CLMN: variants seen among roughly 807,000 people sequenced by gnomAD.
CLMN encodes calmin.
A neutral mutation model predicts 92.7 loss-of-function variants in CLMN; 57 were observed. The ratio of observed to expected loss-of-function variants is 0.61; its 90% confidence interval spans 0.50 to 0.77. CLMN has a LOEUF of 0.77. Among genes scored for constraint, CLMN ranks in the 30% least tolerant of loss-of-function variants. The probability of loss-of-function intolerance (pLI) is 0.00; values close to 1 mark genes in which losing one functional copy is unlikely to be tolerated. For synonymous variants in CLMN, 466 were observed against 470.6 expected (o/e 0.99, Z 0.13); for missense variants, 1,158 against 1,237.5 (o/e 0.94, Z 0.96).
chr14:95,269,643 C>T (rs1471679669), intron 1 of CLMN, among the ~76,000 whole-genome samples: 5 of 152,230 alleles, frequency 3.3e-5, no homozygotes, highest in African/African-American at 1.2e-4. Flanking sequence ...ACCTGAACCC[C>T]ACCAGGCTCC....
intron 1 of CLMN, among the ~76,000 whole-genome samples, chr14:95,313,096 C>T (rs550822634): frequency 3.3e-5 from 5 of 152,316 alleles, no homozygotes; most frequent in African/African-American, 1.2e-4. Flanking sequence ...ATCCCAGCTA[C>T]TCGAGAGGCT....
In CLMN at chr14:95,183,161, C is replaced by T. The variant is rs1896367139; in HGVS notation, c.*8403G>A. 1 of 152,230 alleles carries T rather than the reference C, an allele frequency of 6.6e-6. No individual in the cohort carries two copies. The highest frequency in any genetic ancestry group is 2.4e-5 in the African/African-American group (1 of 41,450). 9.4% of individuals were successfully genotyped at this position (152,230 alleles called of 1,614,324 possible). ...AAATTCAAGGCATCTGCAGGTGAGC[C>T]ACAGCTAGGACGTGGGTTCTCCATA... On this transcript the variant is annotated 3_prime_UTR_variant, in exon 13 of 13. Transcript: ENST00000298912.
intron 1 of CLMN, 47 bp downstream of exon 1, chr14:95,319,664 G>A (rs1566930678): frequency 6.7e-7 from 1 of 1,496,974 alleles, no homozygotes; most frequent in South Asian, 1.2e-5. Context: ...GGCGCCCCGG[G>A]CCCCCCGAGC....
intron 1 of CLMN, among the ~76,000 whole-genome samples, chr14:95,267,019 C>T (rs1426598137): frequency 6.6e-6 from 1 of 152,058 alleles, no homozygotes; most frequent in African/African-American, 2.4e-5. Flanking sequence ...TCTGAGCATA[C>T]AAAAATCAAA....
intron 1 of CLMN, among the ~76,000 whole-genome samples, chr14:95,245,254 A>AT (rs1491364370): frequency 0.018 from 514 of 27,870 alleles, 22 homozygotes; most frequent in African/African-American, 0.093. Context: ...ATATATATAT[A>AT]ATATATATAT....
At chr14:95,238,788 C>T (rs554403970) in intron 1 of CLMN, among the ~76,000 whole-genome samples, 2 of 152,316 alleles carry the variant, frequency 1.3e-5, no homozygotes, top group African/African-American at 4.8e-5. Context: ...CTCACTCTAA[C>T]TAGGGACTTA....
At chr14:95,200,193 C>A (rs1490171601) in intron 9 of CLMN, among the ~76,000 whole-genome samples, 1 of 152,020 alleles carries the variant, frequency 6.6e-6, no homozygotes, top group Non-Finnish European at 1.5e-5. Flanking sequence ...GTTCTAGGCT[C>A]CCCAAAACCC....
intron 1 of CLMN, among the ~76,000 whole-genome samples, chr14:95,283,660 T>C (rs1900226346): frequency 6.6e-6 from 1 of 152,196 alleles, no homozygotes; most frequent in Non-Finnish European, 1.5e-5. Flanking sequence ...GCAAAGATAC[T>C]GGGGGCATTT....
intron 1 of CLMN, among the ~76,000 whole-genome samples, chr14:95,257,967 A>G (rs569845902): frequency 2.6e-5 from 4 of 152,252 alleles, no homozygotes; most frequent in African/African-American, 9.6e-5. Context: ...GCAAAAGTAC[A>G]AGAGTCAGCT....
intron 2 of CLMN, among the ~76,000 whole-genome samples, chr14:95,224,926 T>C (rs1229589785): frequency 6.6e-6 from 1 of 152,092 alleles, no homozygotes; most frequent in African/African-American, 2.4e-5. Flanking sequence ...TGTGTGAGAC[T>C]TGGCTAGGAG....
At chr14:95,316,756 C>T (rs995533307) in intron 1 of CLMN, among the ~76,000 whole-genome samples, 3 of 152,140 alleles carry the variant, frequency 2.0e-5, no homozygotes, top group African/African-American at 7.2e-5. Context: ...ATGCAATATC[C>T]CAGAGGTTGT....
At chr14:95,240,192 G>A (rs956257960) in intron 1 of CLMN, among the ~76,000 whole-genome samples, 1 of 152,202 alleles carries the variant, frequency 6.6e-6, no homozygotes, top group African/African-American at 2.4e-5. Context: ...GTTGTGAAGC[G>A]ATGTAGGACT....
At chr14:95,290,967 C>A (rs897729289) in intron 1 of CLMN, among the ~76,000 whole-genome samples, 1 of 152,232 alleles carries the variant, frequency 6.6e-6, no homozygotes, top group African/African-American at 2.4e-5. Flanking sequence ...AGAGATGACA[C>A]AAACACGTGC....
At chr14:95,232,124 T>C (rs755022734) in intron 1 of CLMN, among the ~76,000 whole-genome samples, 10 of 152,252 alleles carry the variant, frequency 6.6e-5, no homozygotes, top group Non-Finnish European at 1.5e-4. Context: ...TTCTGTGGCC[T>C]TAGCTGTCTT....
chr14:95,302,545 T>G (rs1901104937), intron 1 of CLMN, among the ~76,000 whole-genome samples: 1 of 152,210 alleles, frequency 6.6e-6, no homozygotes, highest in Admixed American at 6.5e-5. Context: ...CATTTCAACA[T>G]TTAGGTAATA....
chr14:95,296,279 G>A (rs953441831), intron 1 of CLMN: 1 of 152,246 alleles, frequency 6.6e-6, no homozygotes, highest in Non-Finnish European at 1.5e-5. Flanking sequence ...CACCTCCTGT[G>A]ATAACTAACC....
At chr14:95,291,250 G>A (rs1020288493) in intron 1 of CLMN, among the ~76,000 whole-genome samples, 11 of 152,324 alleles carry the variant, frequency 7.2e-5, no homozygotes, top group Admixed American at 2.0e-4. Context: ...GGCTTGGCTC[G>A]CCATCCAGGA....
chr14:95,248,331 A>T (rs76456491), intron 1 of CLMN, among the ~76,000 whole-genome samples: 3 of 152,370 alleles, frequency 2.0e-5, no homozygotes, highest in Non-Finnish European at 4.4e-5. Context: ...AAATAAACCA[A>T]TGAATGTTAA....
intron 1 of CLMN, among the ~76,000 whole-genome samples, chr14:95,263,920 T>G (rs1407496292): frequency 6.6e-6 from 1 of 152,240 alleles, no homozygotes; most frequent in Non-Finnish European, 1.5e-5. Flanking sequence ...AGTATCATCA[T>G]GACCTCAGAC....
Sources: gnomAD v4.1 joint callset for allele counts (sites outside exome capture counted in the v4.1 genomes callset) on GRCh38, gnomAD v4.1.1 for gene constraint, MANE v1.5 for transcripts, NCBI Gene and HGNC (gene_info 2026-07-23, HGNC 2026-07-21) for gene names.